CXorf38: variants seen among roughly 807,000 people sequenced by gnomAD.
CXorf38 encodes the protein chromosome X open reading frame 38.
Under a neutral mutation model 27.5 loss-of-function variants are expected in CXorf38, and 13 were observed. The ratio of observed to expected loss-of-function variants is 0.47; its 90% CI spans 0.31 to 0.75. The LOEUF is 0.75. Ranked by LOEUF, CXorf38 falls within the 30% of genes least tolerant of loss-of-function variation. The pLI is 0.05. For missense variants in CXorf38, 240 were observed against 253.2 expected, an observed-to-expected ratio of 0.95 and a Z score of 0.35; for synonymous variants, 100 against 99.8, an observed-to-expected ratio of 1.00 and a Z score of -0.01.
At chrX:40,635,233 G>C (rs770401637) in intron 5 of CXorf38, among the ~76,000 whole-genome samples, 1 of 113,151 alleles carries the variant, frequency 8.8e-6, no homozygotes, top group Non-Finnish European at 1.9e-5. Flanking sequence ...GAAAAGAGAA[G>C]ATAAACATTC....
chrX:40,631,394 G>A (rs1927801491), intron 5 of CXorf38, among the ~76,000 whole-genome samples: 1 of 105,990 alleles, frequency 9.4e-6, no homozygotes, highest in African/African-American at 3.5e-5. Context: ...TGCAACTTCC[G>A]CCTCCTGGGT....
At chrX:40,637,491 G>A (rs1243639723) in intron 3 of CXorf38, among the ~76,000 whole-genome samples, 2 of 111,069 alleles carry the variant, frequency 1.8e-5, no homozygotes, top group Non-Finnish European at 3.8e-5. Flanking sequence ...ATGTGTAATG[G>A]TAAGGAGTCA....
chrX:40,636,776 C>A, intron 4 of CXorf38, 64 bp from the exon 5 acceptor site: 2 of 991,131 alleles, frequency 2.0e-6, no homozygotes, highest in South Asian at 2.4e-5. Flanking sequence ...CTGAATTACT[C>A]AAATAATTTA....
chrX:40,637,235 T>C, intron 3 of CXorf38, 79 bp from the exon 4 acceptor site: 1 of 704,436 alleles, frequency 1.4e-6, no homozygotes, highest in South Asian at 3.5e-5. Flanking sequence ...AAAGAAAAAA[T>C]CATAGAGAGG....
Position 40,636,670 on chromosome X carries a change from G to C in CXorf38, c.664C>G (p.Gln222Glu). 8.3e-7 allele frequency: 1 copy of C among 1,208,063 alleles called. No individual in the cohort carries two copies. Among genetic ancestry groups the C allele is most frequent in the Non-Finnish European group, 1.1e-6 (1 of 893,572 alleles). The change falls in exon 5 of 7, where the codon CAG (glutamine) becomes GAG (glutamate). Residue 222 changes from glutamine to glutamate, a missense_variant. Physicochemically the swap from Gln to Glu is conservative, Grantham distance 29. Transcript: ENST00000327877. ...ATTTCACATTCACACCCATCTCGCT[G>C]ATCTTCCTCGGGGATGTGAACAGCC... ...DWAVHIPEED[Q>E]RDGCECEMGT... is the part of the protein sequence containing the mutation.
intron 5 of CXorf38, among the ~76,000 whole-genome samples, chrX:40,631,402 G>A (rs1469774778): frequency 9.2e-6 from 1 of 109,252 alleles, no homozygotes; most frequent in Non-Finnish European, 1.9e-5. Context: ...CCGCCTCCTG[G>A]GTTCAAGCGA....
chrX:40,637,076 C>T lies in CXorf38; in HGVS notation c.552G>A (p.Lys184=). ...TGAATTCATTCAGAAAATTTTGGAT[C>T]TTCATCTGAAAATCTCGAAGCCACG... ...SSTWLRDFQM[K]IQNFLNEFKN... Residue 184 remains lysine (K), a synonymous_variant, in exon 4 of 7, where the codon AAG becomes AAA. Transcript: ENST00000327877. The T allele has an allele frequency of 8.3e-7, 1 of 1,205,765 alleles. No individual in the cohort carries two copies.
chrX:40,642,799 T>C (rs1198712583), intron 2 of CXorf38, among the ~76,000 whole-genome samples: 1 of 110,487 alleles, frequency 9.1e-6, no homozygotes, highest in African/African-American at 3.3e-5. Flanking sequence ...TGAGACAGGG[T>C]CTTACTCTGT....
chrX:40,634,226 T>C lies in CXorf38; in HGVS notation c.801+2307A>G, dbSNP rs772216977. On this transcript the variant is annotated intron_variant, in intron 5 of 6. Transcript: ENST00000327877. ...CAACTTAGCTTTCTAACCCTACCCCTACATTTTTTGGCTGGTTGGTCTGTT... is the reference window on the plus strand; with the variant it reads ...CAACTTAGCTTTCTAACCCTACCCCCACATTTTTTGGCTGGTTGGTCTGTT... Among the ~76,000 whole-genome samples, 5 of 111,481 alleles carry C rather than the reference T, an allele frequency of 4.5e-5. No homozygotes were observed. The South Asian group carries it at 1.5e-3, about 34-fold the overall frequency.
At position 40,629,779 on chromosome X, in the gene CXorf38, A is replaced by C. The variant is rs1198585077; in HGVS notation, c.*385T>G. 9.0e-6 allele frequency: 1 copy of C among 110,538 alleles called. No individual in the cohort carries two copies. Among genetic ancestry groups the C allele is most frequent in the Non-Finnish European group, 1.9e-5 (1 of 52,799 alleles). 9.1% of individuals were successfully genotyped at this position (110,538 alleles called of 1,213,427 possible). On this transcript the variant is annotated 3_prime_UTR_variant, in exon 7 of 7. Coordinates refer to ENST00000327877, the MANE Select transcript of CXorf38 (RefSeq NM_144970.3). ...AGGCACATGCCACCACGCCCGGCTA[A>C]TATTTGTATTTTTTTTTAAGTAGAG...
intron 2 of CXorf38, chrX:40,640,265 GT>G (rs1457019627): frequency 3.2e-6 from 1 of 317,411 alleles, no homozygotes; most frequent in Admixed American, 3.3e-5. Context: ...GGAGTTCAAG[GT>G]TGCAATAAGC....
rs759183950 is a variant in CXorf38, at chrX:40,636,509, G to A, written c.801+24C>T. 2.7e-6 allele frequency: 3 copies of A among 1,097,691 alleles called. No individual in the cohort carries two copies. The Admixed American group carries it at 7.0e-5, about 25-fold the overall frequency. 90.5% of individuals were successfully genotyped at this position (1,097,691 alleles called of 1,213,427 possible). A position where few individuals can be genotyped will look rare whatever the true frequency, so the allele number is the denominator to read the frequency against. On this transcript the variant is annotated intron_variant, in intron 5 of 6. Transcript: ENST00000327877. ...TTTCTTTGTGTTGTTAACTCACACA[G>A]AGCCTATAACACTTTTCTTTTACCT... is the stretch of plus-strand genomic sequence containing the variant.
intron 2 of CXorf38, 155 bp from the exon 3 acceptor site, chrX:40,639,283 G>A: frequency 1.9e-6 from 1 of 522,091 alleles, no homozygotes; most frequent in Non-Finnish European, 3.1e-6. Flanking sequence ...ATGCAAGTAG[G>A]GAAACTGTCA....
rs111535742 is a variant in CXorf38 at position 40,644,219 on chromosome X, T to C, written c.351+2788A>G. Among the ~76,000 whole-genome samples, 942 of 111,692 alleles carry C rather than the reference T, an allele frequency of 8.4e-3. 12 individuals carry two copies. The highest frequency in any genetic ancestry group is 0.029 in the African/African-American group (897 of 30,541). On this transcript the variant is annotated intron_variant, in intron 2 of 6. Coordinates refer to ENST00000327877, the MANE Select transcript of CXorf38 (RefSeq NM_144970.3). ...AAAATTTAAATAAACCATGGCTATA[T>C]TAAAGCTTTTTCTATGGAGATGGGA...
At chrX:40,634,694 C>T (rs1486283998) in intron 5 of CXorf38, among the ~76,000 whole-genome samples, 1 of 111,977 alleles carries the variant, frequency 8.9e-6, no homozygotes, top group Non-Finnish European at 1.9e-5. Flanking sequence ...ATATAGGGTA[C>T]TGAACTTTCT....
At chrX:40,646,857 C>T (rs1928604583) in intron 2 of CXorf38, 150 bp downstream of exon 2, 2 of 639,576 alleles carry the variant, frequency 3.1e-6, no homozygotes, top group Non-Finnish European at 4.5e-6. Context: ...GGGTTGGGTC[C>T]CGCATACCAC....
At chrX:40,637,605 G>A in intron 3 of CXorf38, among the ~76,000 whole-genome samples, 1 of 112,352 alleles carries the variant, frequency 8.9e-6, no homozygotes, top group East Asian at 2.8e-4. Context: ...GGAGTTACAT[G>A]AGCCCTGTGT....
At chrX:40,647,236 T>TGGGACA (rs1441308779) in intron 1 of CXorf38, 69 bp downstream of exon 1, 1 of 946,032 alleles carries the variant, frequency 1.1e-6, no homozygotes, top group African/African-American at 2.4e-5. Flanking sequence ...GCTCTGGGTC[T>TGGGACA]GGGACAGGAA....
At chrX:40,639,339 CCTG>C in intron 2 of CXorf38, 1 of 366,937 alleles carries the variant, frequency 2.7e-6, no homozygotes, top group Non-Finnish European at 4.7e-6. Context: ...CTGTATTATC[CCTG>C]CTATTAGATA....
Sources: gnomAD v4.1 joint callset for allele counts (sites outside exome capture counted in the v4.1 genomes callset) on GRCh38, gnomAD v4.1.1 for gene constraint, MANE v1.5 for transcripts, NCBI Gene and HGNC (gene_info 2026-07-23, HGNC 2026-07-21) for gene names.